Variants in BMPR1B observed in about 807,000 individuals in gnomAD.
The protein encoded by BMPR1B is bone morphogenetic protein receptor type-1B.
BMPR1B carries 12 observed loss-of-function variants against 59.1 expected under a neutral mutation model. The ratio of observed to expected loss-of-function variants is 0.20; its 90% CI spans 0.13 to 0.33. The LOEUF is 0.33. Among genes scored for constraint, BMPR1B ranks in the 10% least tolerant of loss-of-function variants. The probability of loss-of-function intolerance (pLI) is 1.00; values close to 1 mark genes in which losing one functional copy is unlikely to be tolerated. For synonymous variants in BMPR1B, 237 were observed against 207.3 expected (o/e 1.14, Z -1.23); for missense variants, 550 against 610.9 (o/e 0.90, Z 1.05).
intron 1 of BMPR1B, among the ~76,000 whole-genome samples, chr4:94,867,818 A>G (rs1726305363): frequency 6.6e-6 from 1 of 152,128 alleles, no homozygotes; most frequent in African/African-American, 2.4e-5. Flanking sequence ...TTACTGCATT[A>G]AGATTAGTTT....
chr4:94,993,607 A>G (rs922990414), intron 2 of BMPR1B, among the ~76,000 whole-genome samples: 2 of 152,004 alleles, frequency 1.3e-5, no homozygotes, highest in Non-Finnish European at 2.9e-5. Flanking sequence ...CTAAAAATAC[A>G]AAAATTAGTC....
chr4:94,849,759 G>A (rs1437620583), intron 1 of BMPR1B, among the ~76,000 whole-genome samples: 4 of 150,982 alleles, frequency 2.6e-5, no homozygotes, highest in African/African-American at 7.3e-5. Flanking sequence ...GTAATTAGAT[G>A]TGATGGGGCA....
chr4:95,120,219 G>A (rs768540901), intron 6 of BMPR1B, among the ~76,000 whole-genome samples: 7 of 152,160 alleles, frequency 4.6e-5, no homozygotes, highest in Admixed American at 6.5e-5. Context: ...TTATGGCTGC[G>A]TAGTATTCCA....
chr4:95,129,798 A>C, intron 8 of BMPR1B, 64 bp from the exon 9 acceptor site: 1 of 1,548,204 alleles, frequency 6.5e-7, no homozygotes, highest in South Asian at 1.1e-5. Context: ...TCTCTGGAGA[A>C]AAAAAGATTA....
chr4:94,781,254 A>G (rs1453919769), intron 1 of BMPR1B, among the ~76,000 whole-genome samples: 1 of 152,086 alleles, frequency 6.6e-6, no homozygotes, highest in Non-Finnish European at 1.5e-5. Flanking sequence ...TGATTTGCAA[A>G]TATTTCCTCT....
At chr4:94,882,609 C>T (rs1257513046) in intron 2 of BMPR1B, among the ~76,000 whole-genome samples, 1 of 152,140 alleles carries the variant, frequency 6.6e-6, no homozygotes, top group African/African-American at 2.4e-5. Context: ...GAATCAGAGA[C>T]TTTACTTACC....
chr4:94,846,644 T>C (rs1356983176), intron 1 of BMPR1B, among the ~76,000 whole-genome samples: 1 of 152,180 alleles, frequency 6.6e-6, no homozygotes, highest in Non-Finnish European at 1.5e-5. Flanking sequence ...GCAGACAACC[T>C]ATTGTGGGAC....
intron 1 of BMPR1B, among the ~76,000 whole-genome samples, chr4:94,849,845 G>A (rs115340705): frequency 2.1e-3 from 324 of 151,616 alleles, no homozygotes; most frequent in African/African-American, 7.5e-3. Flanking sequence ...GGAACAAGAA[G>A]TAAGGAAGGG....
Position 94,933,789 on chromosome 4 carries a change from C to T in BMPR1B, c.-113+57889C>T, listed in dbSNP as rs142300465. Among the ~76,000 whole-genome samples, 1,121 of 152,198 alleles carry T rather than the reference C, an allele frequency of 7.4e-3. 9 individuals are homozygous for T. The highest frequency in any genetic ancestry group is 0.026 in the African/African-American group (1,067 of 41,536). On this transcript the variant is annotated intron_variant, in intron 2 of 12. Transcript: ENST00000515059. ...AGACAATCTCAACACCCAATTATTA[C>T]GTGTAAAACAGTTGTTAGAGCCTAA...
intron 2 of BMPR1B, among the ~76,000 whole-genome samples, chr4:94,882,690 C>G (rs1727021141): frequency 1.3e-5 from 2 of 152,146 alleles, no homozygotes; most frequent in Admixed American, 6.5e-5. Flanking sequence ...ACTTACAGTA[C>G]TTTTGAAAGA....
intron 3 of BMPR1B, among the ~76,000 whole-genome samples, chr4:95,061,160 A>AC (rs1727332953): frequency 1.4e-5 from 2 of 142,570 alleles, no homozygotes; most frequent in Non-Finnish European, 1.5e-5. Flanking sequence ...ATTTAGAATA[A>AC]ACACACACAC....
At chr4:94,913,649 C>CTCTG (rs1728373338) in intron 2 of BMPR1B, among the ~76,000 whole-genome samples, 1 of 150,512 alleles carries the variant, frequency 6.6e-6, no homozygotes, top group African/African-American at 2.4e-5. Context: ...TTAATTATCT[C>CTCTG]TGTGTGTGTG....
intron 1 of BMPR1B, among the ~76,000 whole-genome samples, chr4:94,761,447 G>GTGTGTGTGTA (rs1553992295): frequency 6.7e-6 from 1 of 149,546 alleles, no homozygotes; most frequent in African/African-American, 2.5e-5. Flanking sequence ...GTGTGTGTGT[G>GTGTGTGTGTA]TGTGTGTGTG....
intron 2 of BMPR1B, among the ~76,000 whole-genome samples, chr4:94,877,849 A>C (rs1169145967): frequency 6.6e-6 from 1 of 152,190 alleles, no homozygotes; most frequent in African/African-American, 2.4e-5. Flanking sequence ...TATTTTTATT[A>C]GTGAAAATAA....
chr4:95,038,439 T>G (rs1385359422), intron 3 of BMPR1B, among the ~76,000 whole-genome samples: 1 of 152,176 alleles, frequency 6.6e-6, no homozygotes, highest in African/African-American at 2.4e-5. Flanking sequence ...AAGCTTTATT[T>G]CCATAGGCTA....
intron 3 of BMPR1B, among the ~76,000 whole-genome samples, chr4:95,003,902 A>G (rs1250119687): frequency 1.5e-5 from 2 of 135,732 alleles, no homozygotes; most frequent in East Asian, 2.4e-4. Context: ...CCTTCTCCCA[A>G]GTTCAAGCGA....
intron 2 of BMPR1B, among the ~76,000 whole-genome samples, chr4:94,952,040 T>A (rs955844177): frequency 6.6e-6 from 1 of 152,182 alleles, no homozygotes; most frequent in Admixed American, 6.5e-5. Flanking sequence ...CTAGTTTATT[T>A]GCATAGAGGT....
intron 2 of BMPR1B, among the ~76,000 whole-genome samples, chr4:94,953,421 C>G (rs55649926): frequency 0.019 from 2,966 of 152,182 alleles, 92 homozygotes; most frequent in African/African-American, 0.067. Context: ...TCCATATTTA[C>G]TGCTTCCTTC....
intron 7 of BMPR1B, 86 bp from the exon 8 acceptor site, chr4:95,124,897 C>G: frequency 1.6e-6 from 2 of 1,285,134 alleles, no homozygotes; most frequent in Non-Finnish European, 2.2e-6. Flanking sequence ...TAAAATAAAA[C>G]TGCTGTGATT....
Sources: gnomAD v4.1 joint callset for allele counts (sites outside exome capture counted in the v4.1 genomes callset) on GRCh38, gnomAD v4.1.1 for gene constraint, MANE v1.5 for transcripts, NCBI Gene and HGNC (gene_info 2026-07-23, HGNC 2026-07-21) for gene names.